The following CFAP44 variants were observed in gnomAD, a reference collection of about 807,000 sequenced individuals.
CFAP44 encodes the protein cilia- and flagella-associated protein 44.
Under a neutral mutation model 216.2 loss-of-function variants are expected in CFAP44, and 134 were observed. The ratio of observed to expected loss-of-function variants is 0.62; its 90% CI spans 0.54 to 0.72. CFAP44 has a LOEUF of 0.72. Among genes scored for constraint, CFAP44 ranks in the 30% least tolerant of loss-of-function variants. The pLI is 0.00. For missense variants in CFAP44, 2,035 were observed against 2,182.1 expected (o/e 0.93, Z 1.34); for synonymous variants, 700 against 727.6 (o/e 0.96, Z 0.61).
chr3:113,379,186 CT>C, intron 17 of CFAP44, 119 bp downstream of exon 17: 1 of 797,558 alleles, frequency 1.3e-6, no homozygotes, highest in Non-Finnish European at 1.8e-6. Flanking sequence ...TAAATGAAAT[CT>C]AAAAAAAAAT....
intron 19 of CFAP44, 50 bp downstream of exon 19, chr3:113,365,989 T>C: frequency 6.5e-7 from 1 of 1,531,956 alleles, no homozygotes; most frequent in African/African-American, 1.4e-5. Context: ...TTAATATCAC[T>C]ATTTTTAAAT....
chr3:113,338,633 C>T (rs752954245), intron 24 of CFAP44, among the ~76,000 whole-genome samples: 15 of 152,124 alleles, frequency 9.9e-5, no homozygotes, highest in Non-Finnish European at 1.8e-4. Context: ...TGAAAAGTAA[C>T]ATAACATCTC....
intron 23 of CFAP44, among the ~76,000 whole-genome samples, chr3:113,342,825 G>A (rs7653187): frequency 0.34 from 50,417 of 150,442 alleles, 8,856 homozygotes; most frequent in East Asian, 0.57. Flanking sequence ...CCCCGTCTCT[G>A]CTAAAAATAC....
intron 15 of CFAP44, among the ~76,000 whole-genome samples, chr3:113,382,894 G>T (rs1933551080): frequency 6.6e-6 from 1 of 152,192 alleles, no homozygotes; most frequent in South Asian, 2.1e-4. Flanking sequence ...TTGTGGAGAA[G>T]AAAAGTTCTA....
intron 17 of CFAP44, among the ~76,000 whole-genome samples, chr3:113,377,540 A>G (rs1933381259): frequency 6.6e-6 from 1 of 152,170 alleles, no homozygotes; most frequent in South Asian, 2.1e-4. Context: ...CACTTATTTT[A>G]TAGTTGGTTA....
At chr3:113,371,888 A>G (rs1189648171) in intron 18 of CFAP44, among the ~76,000 whole-genome samples, 1 of 152,194 alleles carries the variant, frequency 6.6e-6, no homozygotes, top group African/African-American at 2.4e-5. Flanking sequence ...CAGGAAAAAA[A>G]CAAATAATCC....
At chr3:113,320,561 A>G (rs576504713) in intron 28 of CFAP44, among the ~76,000 whole-genome samples, 6 of 144,632 alleles carry the variant, frequency 4.1e-5, no homozygotes, top group Non-Finnish European at 7.7e-5. Context: ...AGTTATATAT[A>G]TGTATATATA....
intron 32 of CFAP44, among the ~76,000 whole-genome samples, chr3:113,298,909 G>T (rs758152069): frequency 5.9e-5 from 9 of 152,128 alleles, no homozygotes; most frequent in African/African-American, 1.9e-4. Flanking sequence ...GATGGATGGT[G>T]GTGATGGTTG....
chr3:113,327,528 G>T, intron 27 of CFAP44, 88 bp downstream of exon 27: 1 of 1,199,414 alleles, frequency 8.3e-7, no homozygotes, highest in Non-Finnish European at 1.2e-6. Flanking sequence ...GCTAGAACAA[G>T]TGGGAGATTT....
chr3:113,406,829 G>T, intron 8 of CFAP44, 98 bp downstream of exon 8: 2 of 721,184 alleles, frequency 2.8e-6, no homozygotes, highest in Non-Finnish European at 2.3e-6. Flanking sequence ...AATAATATCT[G>T]TTATTGGCAG....
intron 17 of CFAP44, among the ~76,000 whole-genome samples, chr3:113,375,033 C>T (rs565627128): frequency 4.0e-4 from 61 of 152,258 alleles, no homozygotes; most frequent in Middle Eastern, 3.4e-3. Flanking sequence ...ACATATGCTG[C>T]ATCACGGATG....
At chr3:113,423,922 T>A (rs2087129) in intron 4 of CFAP44, among the ~76,000 whole-genome samples, 36,806 of 152,114 alleles carry the variant, frequency 0.24, 5,905 homozygotes, top group African/African-American at 0.46. Flanking sequence ...CCGAATTGGT[T>A]ACAGCTTGGC....
At chr3:113,423,098 A>C (rs1387768217) in intron 4 of CFAP44, among the ~76,000 whole-genome samples, 5 of 128,458 alleles carry the variant, frequency 3.9e-5, no homozygotes, top group Non-Finnish European at 6.3e-5. Flanking sequence ...CTGGAATCTG[A>C]TCCTTCCTTT....
At chr3:113,383,955 G>A (rs1168668175) in intron 15 of CFAP44, among the ~76,000 whole-genome samples, 1 of 151,438 alleles carries the variant, frequency 6.6e-6, no homozygotes, top group Non-Finnish European at 1.5e-5. Context: ...CTGTGTCCAT[G>A]TGTTCTCATT....
At chr3:113,383,083 G>C (rs549478158) in intron 15 of CFAP44, among the ~76,000 whole-genome samples, 1 of 152,350 alleles carries the variant, frequency 6.6e-6, no homozygotes, top group African/African-American at 2.4e-5. Context: ...ATATAAAGTA[G>C]TTGGGGAAAT....
intron 28 of CFAP44, among the ~76,000 whole-genome samples, chr3:113,325,212 G>T (rs539962752): frequency 6.6e-6 from 1 of 150,422 alleles, no homozygotes; most frequent in South Asian, 2.1e-4. Context: ...TGAGTCAGGA[G>T]AGTGGTGTGA....
At chr3:113,351,136 C>A (rs1950441252) in intron 22 of CFAP44, among the ~76,000 whole-genome samples, 1 of 152,184 alleles carries the variant, frequency 6.6e-6, no homozygotes, top group Non-Finnish European at 1.5e-5. Flanking sequence ...AAAGTACTTA[C>A]AGAATCAGGA....
chr3:113,328,543 G>A (rs1267487046), intron 26 of CFAP44, among the ~76,000 whole-genome samples: 1 of 151,496 alleles, frequency 6.6e-6, no homozygotes, highest in Non-Finnish European at 1.5e-5. Context: ...AATAGGAAGA[G>A]ACAAACCATT....
chr3:113,303,364 T>C (rs1158776453), intron 32 of CFAP44, among the ~76,000 whole-genome samples: 1 of 152,242 alleles, frequency 6.6e-6, no homozygotes, highest in Non-Finnish European at 1.5e-5. Context: ...ATATTTAATA[T>C]TCATAAATGG....
Sources: allele counts gnomAD v4.1 joint callset (sites outside exome capture counted in the v4.1 genomes callset), GRCh38; gene constraint gnomAD v4.1.1; transcripts MANE v1.5; gene names NCBI Gene and HGNC (gene_info 2026-07-23, HGNC 2026-07-21).